Variants in NRXN1 observed in about 807,000 individuals in gnomAD.
NRXN1 encodes the protein neurexin-1.
A neutral mutation model predicts 150.9 loss-of-function variants in NRXN1; 39 were observed. That is an observed-to-expected ratio of 0.26 (90% CI 0.20 to 0.34). NRXN1 has a LOEUF of 0.34. NRXN1 is among the 10% of genes least tolerant of loss of function. The pLI, the probability that NRXN1 is intolerant of heterozygous loss-of-function variation, is 1.00. For synonymous variants in NRXN1, 924 were observed against 757.0 expected (o/e 1.22, Z -3.62); for missense variants, 1,815 against 1,949.9 (o/e 0.93, Z 1.30).
chr2:50,212,294 A>T (rs2063081839), intron 18 of NRXN1, among the ~76,000 whole-genome samples: 1 of 136,228 alleles, frequency 7.3e-6, no homozygotes, highest in Non-Finnish European at 1.6e-5. Context: ...TATGCTTTGA[A>T]TTTGCAAAAA....
intron 18 of NRXN1, among the ~76,000 whole-genome samples, chr2:50,140,068 G>T (rs1342788457): frequency 2.0e-5 from 3 of 152,020 alleles, no homozygotes; most frequent in African/African-American, 7.2e-5. Context: ...AGCCATTCAA[G>T]AATTGTTTAT....
intron 22 of NRXN1, among the ~76,000 whole-genome samples, chr2:49,939,567 C>T (rs1464704114): frequency 6.6e-6 from 1 of 152,192 alleles, no homozygotes; most frequent in Non-Finnish European, 1.5e-5. Flanking sequence ...TGTGTTCCCA[C>T]CCAGGATGTT....
At chr2:50,464,724 A>G (rs908875570) in intron 17 of NRXN1, among the ~76,000 whole-genome samples, 3 of 151,932 alleles carry the variant, frequency 2.0e-5, no homozygotes, top group Non-Finnish European at 4.4e-5. Flanking sequence ...AAATTCTTTT[A>G]TCATTTTGAT....
intron 15 of NRXN1, among the ~76,000 whole-genome samples, chr2:50,479,872 C>G (rs898813478): frequency 1.5e-5 from 2 of 135,198 alleles, no homozygotes; most frequent in African/African-American, 5.4e-5. Context: ...CTCCTGGGTT[C>G]AAGCAATTCT....
At chr2:50,372,581 A>G (rs1022826060) in intron 17 of NRXN1, among the ~76,000 whole-genome samples, 9 of 152,112 alleles carry the variant, frequency 5.9e-5, no homozygotes, top group Admixed American at 5.2e-4. Flanking sequence ...AAAACCTCAG[A>G]TTTATAAAAT....
chr2:50,778,448 G>A (rs1703936397), intron 5 of NRXN1, among the ~76,000 whole-genome samples: 1 of 152,172 alleles, frequency 6.6e-6, no homozygotes, highest in South Asian at 2.1e-4. Context: ...GGAACACACT[G>A]TTCGAGAATA....
intron 17 of NRXN1, among the ~76,000 whole-genome samples, chr2:50,432,075 T>C (rs1452743627): frequency 6.6e-6 from 1 of 152,178 alleles, no homozygotes; most frequent in Non-Finnish European, 1.5e-5. Context: ...CGATGTTAGC[T>C]AGCAATTTGC....
chr2:50,701,797 A>G (rs1187686767), intron 5 of NRXN1, among the ~76,000 whole-genome samples: 2 of 152,158 alleles, frequency 1.3e-5, no homozygotes, highest in Admixed American at 1.3e-4. Flanking sequence ...ATAATTTATC[A>G]TCTACTCTTT....
chr2:50,554,611 A>T (rs930950957), intron 8 of NRXN1: 1 of 152,210 alleles, frequency 6.6e-6, no homozygotes, highest in Admixed American at 6.5e-5. Context: ...ATTTCAATAA[A>T]TATTAACTAC....
At chr2:49,946,941 A>G (rs1273027780) in intron 21 of NRXN1, among the ~76,000 whole-genome samples, 1 of 152,160 alleles carries the variant, frequency 6.6e-6, no homozygotes, top group Admixed American at 6.5e-5. Flanking sequence ...AATTGGCACG[A>G]TAATCATGTA....
intron 5 of NRXN1, among the ~76,000 whole-genome samples, chr2:50,717,942 T>C (rs992885299): frequency 1.3e-5 from 2 of 152,222 alleles, no homozygotes; most frequent in South Asian, 2.1e-4. Context: ...TGAATATACA[T>C]TGAGGGTTAG....
At chr2:50,954,597 C>T (rs140536362) in intron 2 of NRXN1, among the ~76,000 whole-genome samples, 199 of 152,244 alleles carry the variant, frequency 1.3e-3, no homozygotes, top group African/African-American at 3.8e-3. Context: ...GTAGTCCAGG[C>T]AGTATGCTGG....
intron 17 of NRXN1, among the ~76,000 whole-genome samples, chr2:50,245,953 A>G (rs1189065798): frequency 6.6e-6 from 1 of 151,990 alleles, no homozygotes; most frequent in African/African-American, 2.4e-5. Context: ...AGCTAAGCTC[A>G]AATGACTAAT....
At chr2:49,998,971 G>A (rs1238320414) in intron 21 of NRXN1, among the ~76,000 whole-genome samples, 1 of 152,074 alleles carries the variant, frequency 6.6e-6, no homozygotes, top group Non-Finnish European at 1.5e-5. Flanking sequence ...CCAAAGCTCA[G>A]GCAAATTACC....
chr2:50,039,167 A>C (rs1336597654), intron 21 of NRXN1, among the ~76,000 whole-genome samples: 3 of 151,742 alleles, frequency 2.0e-5, no homozygotes, highest in East Asian at 3.9e-4. Flanking sequence ...ACAAAGCAAG[A>C]CTCCATCTCA....
intron 2 of NRXN1, among the ~76,000 whole-genome samples, chr2:51,014,722 G>T (rs1644292707): frequency 6.6e-6 from 1 of 151,924 alleles, no homozygotes; most frequent in Admixed American, 6.6e-5. Context: ...CGTGAATTGG[G>T]GAAAATTTTA....
At chr2:50,389,566 T>A (rs760631408) in intron 17 of NRXN1, among the ~76,000 whole-genome samples, 9 of 152,084 alleles carry the variant, frequency 5.9e-5, no homozygotes, top group Non-Finnish European at 1.3e-4. Flanking sequence ...TCTTCTCTTA[T>A]CTATGTCCAA....
rs539001468 is a variant in NRXN1 at position 50,346,391 on chromosome 2, C to T, written c.3365-109421G>A. On this transcript the variant is annotated intron_variant, in intron 17 of 22. Transcript: ENST00000401669. The surrounding 1 kb of genome is among the most constrained non-coding windows in gnomAD (Gnocchi z 5.0). ...GTGACCTTCTGGCAACTGACGCCCC[C>T]TTCCCGCGGGGCCCAGCCGCGCGAC... Among the ~76,000 whole-genome samples, 8 of 152,262 alleles carry T rather than the reference C, an allele frequency of 5.3e-5. No individual in the cohort carries two copies. The highest frequency in any genetic ancestry group is 1.7e-4 in the African/African-American group (7 of 41,568).
At chr2:50,354,550 C>CATATATATATAT (rs1420237558) in intron 17 of NRXN1, among the ~76,000 whole-genome samples, 1 of 66,278 alleles carries the variant, frequency 1.5e-5, no homozygotes, top group East Asian at 5.6e-4. Flanking sequence ...GTCTAGAGTG[C>CATATATATATAT]ATACATATAT....
Sources: gnomAD v4.1 joint callset for allele counts (sites outside exome capture counted in the v4.1 genomes callset) on GRCh38, gnomAD v4.1.1 for gene constraint, Gnocchi (gnomAD v3.1) non-coding constraint, MANE v1.5 for transcripts, NCBI Gene and HGNC (gene_info 2026-07-23, HGNC 2026-07-21) for gene names.